CSMD3: variants seen among roughly 807,000 people sequenced by gnomAD.
The protein encoded by CSMD3 is CUB and sushi domain-containing protein 3.
Under a neutral mutation model 435.2 loss-of-function variants are expected in CSMD3, and 177 were observed. The observed-to-expected ratio is 0.41, with a 90% CI of 0.36 to 0.46. The LOEUF (loss-of-function observed/expected upper bound fraction) is 0.46, where lower values mean the gene tolerates loss of function less well. Among genes scored for constraint, CSMD3 ranks in the 20% least tolerant of loss-of-function variants. CSMD3 has a pLI of 0.34. For synonymous variants in CSMD3, 1,656 were observed against 1,520.5 expected (o/e 1.09, Z -2.07); for missense variants, 4,265 against 4,504.6 (o/e 0.95, Z 1.52).
chr8:113,240,019 G>A (rs1410933790), intron 3 of CSMD3, among the ~76,000 whole-genome samples: 1 of 151,534 alleles, frequency 6.6e-6, no homozygotes, highest in Non-Finnish European at 1.5e-5. Context: ...CTCCACCCCC[G>A]ATAGGCCCCA....
At chr8:113,190,107 C>CA (rs1004260585) in intron 3 of CSMD3, among the ~76,000 whole-genome samples, 19 of 151,014 alleles carry the variant, frequency 1.3e-4, no homozygotes, top group African/African-American at 4.6e-4. Flanking sequence ...AAAGTAATAG[C>CA]AAAAAACACA....
intron 3 of CSMD3, among the ~76,000 whole-genome samples, chr8:113,277,105 C>G (rs1363856117): frequency 2.0e-5 from 3 of 151,904 alleles, no homozygotes; most frequent in Non-Finnish European, 4.4e-5. Context: ...TTTTGATGAA[C>G]AGAATACAGG....
At chr8:112,980,298 A>G (rs564472749) in intron 6 of CSMD3, among the ~76,000 whole-genome samples, 39 of 151,222 alleles carry the variant, frequency 2.6e-4, no homozygotes, top group African/African-American at 9.4e-4. Flanking sequence ...AGAACATGTA[A>G]AAATAACTAC....
At chr8:112,570,315 G>A (rs974176536) in intron 24 of CSMD3, among the ~76,000 whole-genome samples, 7 of 152,146 alleles carry the variant, frequency 4.6e-5, no homozygotes, top group Non-Finnish European at 1.0e-4. Flanking sequence ...GGAAAATAGC[G>A]TGTTGAAGAA....
At chr8:113,423,747 A>T (rs2129976971) in intron 1 of CSMD3, among the ~76,000 whole-genome samples, 1 of 151,978 alleles carries the variant, frequency 6.6e-6, no homozygotes, top group Non-Finnish European at 1.5e-5. Flanking sequence ...TGTTATGGAG[A>T]TTGTTGAAAA....
In CSMD3 at chr8:112,373,347, A is replaced by G. The variant is rs150451319; in HGVS notation, c.6136+7005T>C. 9.7e-3 allele frequency among the ~76,000 whole-genome samples: 1,477 copies of G among 152,210 alleles called. 14 individuals carry two copies. Among genetic ancestry groups the G allele is most frequent in the Admixed American group, 0.015 (235 of 15,274 alleles). On this transcript the variant is annotated intron_variant, in intron 38 of 70. Coordinates refer to ENST00000297405, the MANE Select transcript of CSMD3 (RefSeq NM_198123.2). ...ACTTTTATCTTAGAGACTGTCACAA[A>G]TGAAATACCCAAAAATGTGCAGTGA... is the stretch of plus-strand genomic sequence containing the variant.
chr8:112,828,198 G>A (rs2132469717), intron 12 of CSMD3, among the ~76,000 whole-genome samples: 1 of 152,254 alleles, frequency 6.6e-6, no homozygotes, highest in Admixed American at 6.5e-5. Context: ...TGCCTAACAG[G>A]CTCAAATTGT....
chr8:113,136,771 G>A (rs181664085), intron 4 of CSMD3, among the ~76,000 whole-genome samples: 1 of 151,700 alleles, frequency 6.6e-6, no homozygotes, highest in African/African-American at 2.4e-5. Context: ...AGTGTAAGGA[G>A]GGATTTTAAG....
intron 57 of CSMD3, 65 bp from the exon 58 acceptor site, chr8:112,287,311 C>G (rs2130638911): frequency 1.3e-6 from 2 of 1,504,802 alleles, no homozygotes; most frequent in Non-Finnish European, 1.8e-6. Context: ...ACCAGTTAGT[C>G]CAAGGGCCTG....
rs191603702 is a variant in CSMD3 at position 112,386,654 on chromosome 8, C to T, written c.5935-2991G>A. ...CTGGGACTACAGGCGCCCGCCACCA[C>T]GCCCGGCTAATTTTTTGTATTTTTA... is the stretch of plus-strand genomic sequence containing the variant. On this transcript the variant is annotated intron_variant, in intron 36 of 70. Transcript: ENST00000297405. Among the ~76,000 whole-genome samples the T allele has an allele frequency of 2.9e-3, 434 of 152,160 alleles. 1 individual carries two copies. Among genetic ancestry groups the T allele is most frequent in the African/African-American group, 9.7e-3 (402 of 41,520 alleles).
intron 5 of CSMD3, among the ~76,000 whole-genome samples, chr8:113,083,484 CT>C (rs1300939936): frequency 6.6e-6 from 1 of 151,958 alleles, no homozygotes; most frequent in Non-Finnish European, 1.5e-5. Context: ...TTCATCACCC[CT>C]ATAATGGTCT....
intron 7 of CSMD3, among the ~76,000 whole-genome samples, chr8:112,955,930 T>C (rs558367290): frequency 6.1e-4 from 92 of 152,052 alleles, no homozygotes; most frequent in African/African-American, 2.2e-3. Context: ...AAATTATGGA[T>C]ATTTATTGGT....
rs1187087860 is a variant in CSMD3, at chr8:112,798,204, T to C, written c.1972+1958A>G. 2.6e-5 allele frequency among the ~76,000 whole-genome samples: 4 copies of C among 151,850 alleles called. No homozygotes were observed. In the South Asian group the frequency reaches 6.2e-4, roughly 24 times the overall value. On this transcript the variant is annotated intron_variant, in intron 13 of 70. Coordinates refer to ENST00000297405, the MANE Select transcript of CSMD3 (RefSeq NM_198123.2). ...TTAAAAACAGTGATTCAGGTAGATT[T>C]ACTGAATGTCCAAAGAAGCAGAGTT...
chr8:113,296,902 T>G (rs1009057966), intron 2 of CSMD3, among the ~76,000 whole-genome samples: 1 of 152,084 alleles, frequency 6.6e-6, no homozygotes, highest in African/African-American at 2.4e-5. Context: ...GATAAAAAAT[T>G]TAGTGGCTTC....
chr8:112,935,151 A>C (rs1485831702), intron 9 of CSMD3, among the ~76,000 whole-genome samples: 1 of 152,096 alleles, frequency 6.6e-6, no homozygotes, highest in African/African-American at 2.4e-5. Flanking sequence ...TTATTGAAGA[A>C]AGTGTCCTTT....
At chr8:112,393,517 A>G (rs1433538409) in intron 35 of CSMD3, among the ~76,000 whole-genome samples, 1 of 152,160 alleles carries the variant, frequency 6.6e-6, no homozygotes, top group Non-Finnish European at 1.5e-5. Flanking sequence ...GTCTCTTGAA[A>G]CAGACTCAAG....
chr8:113,254,821 C>T (rs949337848), intron 3 of CSMD3, among the ~76,000 whole-genome samples: 3 of 151,870 alleles, frequency 2.0e-5, no homozygotes, highest in Non-Finnish European at 4.4e-5. Context: ...TTAATTCCAA[C>T]AATTTAGATT....
At chr8:113,134,369 G>A (rs944171612) in intron 4 of CSMD3, among the ~76,000 whole-genome samples, 10 of 151,918 alleles carry the variant, frequency 6.6e-5, no homozygotes, top group African/African-American at 2.4e-4. Context: ...ATGACCCAAT[G>A]TTCTATATGT....
chr8:112,599,745 C>CATAG (rs2131409449), intron 22 of CSMD3, among the ~76,000 whole-genome samples: 1 of 151,348 alleles, frequency 6.6e-6, no homozygotes, highest in African/African-American at 2.4e-5. Context: ...TGGAAATCAT[C>CATAG]ATTCTCAGTA....
Sources: allele counts gnomAD v4.1 joint callset (sites outside exome capture counted in the v4.1 genomes callset), GRCh38; gene constraint gnomAD v4.1.1; transcripts MANE v1.5; gene names NCBI Gene and HGNC (gene_info 2026-07-23, HGNC 2026-07-21).